ARHGAP22: variants seen among roughly 807,000 people sequenced by gnomAD.
The protein encoded by ARHGAP22 is rho GTPase-activating protein 22.
In ARHGAP22, 48 loss-of-function variants were observed where a neutral mutation model predicts 59.1. The observed-to-expected ratio is 0.81, with a 90% CI of 0.64 to 1.03. The LOEUF is 1.03. ARHGAP22 is among the 50% of genes least tolerant of loss of function. The pLI is 0.00. For synonymous variants in ARHGAP22, 445 were observed against 416.4 expected, an observed-to-expected ratio of 1.07 and a Z score of -0.84; for missense variants, 1,015 against 958.7, an observed-to-expected ratio of 1.06 and a Z score of -0.78.
At chr10:48,603,261 C>T (rs1036481061) in intron 1 of ARHGAP22, among the ~76,000 whole-genome samples, 4 of 152,140 alleles carry the variant, frequency 2.6e-5, no homozygotes, top group Non-Finnish European at 4.4e-5. Flanking sequence ...CCTGTAAGCC[C>T]CTTTGCTGAA....
chr10:48,469,352 T>C (rs1014501820), intron 4 of ARHGAP22, among the ~76,000 whole-genome samples: 9 of 152,206 alleles, frequency 5.9e-5, no homozygotes, highest in Admixed American at 4.6e-4. Context: ...GAGACAGTCA[T>C]GAGACTGCCT....
intron 3 of ARHGAP22, among the ~76,000 whole-genome samples, chr10:48,482,615 A>G (rs1299140150): frequency 1.3e-5 from 2 of 152,172 alleles, no homozygotes; most frequent in East Asian, 1.9e-4. Flanking sequence ...TCAGGTTGAG[A>G]AAGTTCTTTT....
chr10:48,535,881 C>T (rs1344475704), intron 3 of ARHGAP22, among the ~76,000 whole-genome samples: 1 of 152,174 alleles, frequency 6.6e-6, no homozygotes, highest in Admixed American at 6.5e-5. Flanking sequence ...TGCCCGACAC[C>T]CTTCCCTTTC....
At chr10:48,555,748 G>A (rs1356902512) in intron 2 of ARHGAP22, among the ~76,000 whole-genome samples, 198 bp from the exon 3 acceptor site, 1 of 152,156 alleles carries the variant, frequency 6.6e-6, no homozygotes. Flanking sequence ...GTGGATTAAG[G>A]TGGACACTGT....
chr10:48,574,187 C>G (rs2058567786), intron 2 of ARHGAP22, among the ~76,000 whole-genome samples: 1 of 152,186 alleles, frequency 6.6e-6, no homozygotes, highest in African/African-American at 2.4e-5. Context: ...GGATCTAATA[C>G]AAATATGGGT....
At chr10:48,640,616 A>G (rs2062005230) in intron 1 of ARHGAP22, among the ~76,000 whole-genome samples, 1 of 152,158 alleles carries the variant, frequency 6.6e-6, no homozygotes, top group South Asian at 2.1e-4. Flanking sequence ...TAAGAATTCT[A>G]TATCAAAAAA....
At chr10:48,639,695 C>G (rs2061963922) in intron 1 of ARHGAP22, among the ~76,000 whole-genome samples, 1 of 152,130 alleles carries the variant, frequency 6.6e-6, no homozygotes, top group Non-Finnish European at 1.5e-5. Flanking sequence ...TTAGGCTAGG[C>G]AAGTTATTAA....
intron 3 of ARHGAP22, among the ~76,000 whole-genome samples, chr10:48,491,489 CTGTA>C (rs1213892287): frequency 6.6e-6 from 1 of 152,256 alleles, no homozygotes; most frequent in Admixed American, 6.5e-5. Flanking sequence ...TCAATACACT[CTGTA>C]TGTATTTTAT....
At chr10:48,492,389 G>A (rs897988159) in intron 3 of ARHGAP22, among the ~76,000 whole-genome samples, 5 of 152,192 alleles carry the variant, frequency 3.3e-5, no homozygotes, top group Non-Finnish European at 7.3e-5. Context: ...TAGCAGCTGG[G>A]TGTCAGGGGT....
At chr10:48,561,965 G>T (rs542662224) in intron 2 of ARHGAP22, among the ~76,000 whole-genome samples, 1 of 152,178 alleles carries the variant, frequency 6.6e-6, no homozygotes, top group African/African-American at 2.4e-5. Flanking sequence ...AGTGGCTCAC[G>T]CCTGTAATCC....
intron 8 of ARHGAP22, chr10:48,451,445 C>T (rs771834168): frequency 1.4e-4 from 98 of 702,736 alleles, no homozygotes; most frequent in Non-Finnish European, 2.6e-6. Flanking sequence ...ACCAAGGCTG[C>T]ACGGTGAGCA....
chr10:48,619,057 C>T (rs746159434), intron 1 of ARHGAP22, among the ~76,000 whole-genome samples: 9 of 151,944 alleles, frequency 5.9e-5, no homozygotes, highest in South Asian at 4.2e-4. Context: ...ACACCAAAAA[C>T]GAACTAGTGG....
At chr10:48,458,732 GGAC>G (rs1478488181) in intron 5 of ARHGAP22, among the ~76,000 whole-genome samples, 2 of 152,196 alleles carry the variant, frequency 1.3e-5, no homozygotes, top group African/African-American at 4.8e-5. Context: ...GGTTCAGAAT[GGAC>G]GACAAGCTCA....
At chr10:48,552,874 G>A (rs1449350934) in intron 3 of ARHGAP22, among the ~76,000 whole-genome samples, 1 of 152,232 alleles carries the variant, frequency 6.6e-6, no homozygotes, top group Non-Finnish European at 1.5e-5. Flanking sequence ...AGCAACTGCT[G>A]TAACAGGAAG....
Position 48,533,657 on chromosome 10 carries a change from C to A in ARHGAP22, c.322+21806G>T, listed in dbSNP as rs2055075247. On this transcript the variant is annotated intron_variant, in intron 3 of 9. Coordinates refer to ENST00000249601, the MANE Select transcript of ARHGAP22 (RefSeq NM_021226.4). ...TTTGAGGGCCATACAGTCTCTTTAG[C>A]AACTACTCAGCTCCACCATTGTGGT... is the stretch of plus-strand genomic sequence containing the variant. Among the ~76,000 whole-genome samples the A allele has an allele frequency of 2.0e-5, 3 of 152,330 alleles. No individual in the cohort carries two copies. In the South Asian group the frequency reaches 6.2e-4, roughly 32 times the overall value.
intron 1 of ARHGAP22, among the ~76,000 whole-genome samples, chr10:48,648,684 T>G (rs1589322356): frequency 6.6e-6 from 1 of 152,098 alleles, no homozygotes; most frequent in Admixed American, 6.5e-5. Context: ...GCAGCTGTCC[T>G]GGGGGGAAAA....
chr10:48,564,281 G>A (rs2057904274), intron 2 of ARHGAP22, among the ~76,000 whole-genome samples: 2 of 152,146 alleles, frequency 1.3e-5, no homozygotes, highest in South Asian at 2.1e-4. Flanking sequence ...GTCAACAGAG[G>A]AACGGTTAAA....
chr10:48,650,917 C>T (rs1017667659), intron 1 of ARHGAP22, among the ~76,000 whole-genome samples: 4 of 152,146 alleles, frequency 2.6e-5, no homozygotes, highest in African/African-American at 7.2e-5. Context: ...GTCTGCAGCA[C>T]GAGGCCGGCC....
intron 3 of ARHGAP22, among the ~76,000 whole-genome samples, chr10:48,526,883 GCTT>G (rs2054373556): frequency 6.6e-6 from 1 of 152,202 alleles, no homozygotes; most frequent in Non-Finnish European, 1.5e-5. Context: ...GAAGGCAGGG[GCTT>G]CTTGTTTTAT....
Sources: gnomAD v4.1 joint callset for allele counts (sites outside exome capture counted in the v4.1 genomes callset) on GRCh38, gnomAD v4.1.1 for gene constraint, MANE v1.5 for transcripts, NCBI Gene and HGNC (gene_info 2026-07-23, HGNC 2026-07-21) for gene names.